Variants in KIDINS220 observed in about 807,000 individuals in gnomAD.
KIDINS220 encodes kinase D-interacting substrate of 220 kDa.
In KIDINS220, 63 loss-of-function variants were observed where a neutral mutation model predicts 157.6. The observed-to-expected ratio is 0.40, with a 90% CI of 0.33 to 0.49. KIDINS220 has a LOEUF of 0.49. Among genes scored for constraint, KIDINS220 ranks in the 20% least tolerant of loss-of-function variants. KIDINS220 has a pLI of 0.66. For synonymous variants in KIDINS220, 732 were observed against 783.6 expected, an observed-to-expected ratio of 0.93 and a Z score of 1.10; for missense variants, 1,772 against 2,171.2, an observed-to-expected ratio of 0.82 and a Z score of 3.65.
intron 22 of KIDINS220, among the ~76,000 whole-genome samples, chr2:8,764,163 G>A (rs1167422725): frequency 1.3e-5 from 2 of 152,254 alleles, no homozygotes; most frequent in South Asian, 4.1e-4. Context: ...ACAACCATAT[G>A]TTCTTACTTA....
intron 12 of KIDINS220, among the ~76,000 whole-genome samples, 194 bp from the exon 13 acceptor site, chr2:8,791,418 T>C (rs1201336863): frequency 1.3e-5 from 2 of 152,254 alleles, no homozygotes; most frequent in Admixed American, 1.3e-4. Flanking sequence ...CAGAGATTCT[T>C]AAATTACTAT....
At chr2:8,809,833 T>C (rs1676033920) in intron 6 of KIDINS220, among the ~76,000 whole-genome samples, 2 of 152,116 alleles carry the variant, frequency 1.3e-5, no homozygotes, top group Non-Finnish European at 2.9e-5. Flanking sequence ...TAAACGTTAA[T>C]TTTTTCTAAA....
chr2:8,725,857 T>G (rs1164268805), downstream of KIDINS220, among the ~76,000 whole-genome samples: 2 of 152,218 alleles, frequency 1.3e-5, no homozygotes, highest in Non-Finnish European at 2.9e-5. Flanking sequence ...TATTCCATGT[T>G]CTGTCAAATC....
In KIDINS220 at chr2:8,770,666, G is replaced by T; in HGVS notation, c.3011+4C>A. On this transcript the variant is annotated splice_donor_region_variant and intron_variant, in intron 22 of 29. Coordinates refer to ENST00000256707, the MANE Select transcript of KIDINS220 (RefSeq NM_020738.4). ...GTAAAATACAAAGAGGTCACAAAAG[G>T]TACCTTTCGTAGATGGTTTTTAATG... The T allele has an allele frequency of 1.3e-6, 2 of 1,555,384 alleles. No homozygotes were observed. The highest frequency in any genetic ancestry group is 1.7e-6 in the Non-Finnish European group (2 of 1,145,598).
At position 8,728,960 on chromosome 2, in the gene KIDINS220, T is replaced by C. The variant is rs1328344106; in HGVS notation, c.*1760A>G. The C allele has an allele frequency of 1.0e-6, 1 of 978,208 alleles. No individual in the cohort carries two copies. Among genetic ancestry groups the C allele is most frequent in the Admixed American group, 6.1e-5 (1 of 16,270 alleles). 60.6% of individuals were successfully genotyped at this position (978,208 alleles called of 1,614,324 possible). On this transcript the variant is annotated 3_prime_UTR_variant, in exon 30 of 30. Coordinates refer to ENST00000256707, the MANE Select transcript of KIDINS220 (RefSeq NM_020738.4). ...GCAATTTTTTATTGTTTTCTAAATCTATTTGTACACTTAATATGCTAGTAT... is the reference window on the plus strand; with the variant it reads ...GCAATTTTTTATTGTTTTCTAAATCCATTTGTACACTTAATATGCTAGTAT...
At chr2:8,827,279 G>A (rs1262758212) in intron 1 of KIDINS220, 150 bp from the exon 2 acceptor site, 7 of 475,026 alleles carry the variant, frequency 1.5e-5, no homozygotes, top group South Asian at 3.0e-5. Flanking sequence ...CATAGCTCAG[G>A]TGTCAAAAAG....
intron 13 of KIDINS220, 91 bp downstream of exon 13, chr2:8,790,969 T>C: frequency 8.3e-7 from 1 of 1,198,972 alleles, no homozygotes; most frequent in South Asian, 1.5e-5. Context: ...CACATGCTTA[T>C]ACAGAAAGTG....
At chr2:8,794,856 C>A (rs1673689130) in intron 11 of KIDINS220, among the ~76,000 whole-genome samples, 1 of 152,150 alleles carries the variant, frequency 6.6e-6, no homozygotes, top group Non-Finnish European at 1.5e-5. Flanking sequence ...AAGGCACGAC[C>A]TTATCTTGAA....
intron 22 of KIDINS220, among the ~76,000 whole-genome samples, chr2:8,764,726 G>A (rs1050839453): frequency 6.6e-6 from 1 of 152,156 alleles, no homozygotes; most frequent in African/African-American, 2.4e-5. Context: ...AAGATAAAGT[G>A]AGGCTTCTCA....
intron 6 of KIDINS220, among the ~76,000 whole-genome samples, chr2:8,809,342 T>C (rs995909318): frequency 2.0e-5 from 3 of 152,018 alleles, no homozygotes; most frequent in Non-Finnish European, 4.4e-5. Flanking sequence ...TTTTACTAAG[T>C]TCTTTCTTTT....
chr2:8,772,563 T>C (rs952670926), intron 21 of KIDINS220, among the ~76,000 whole-genome samples: 1 of 151,980 alleles, frequency 6.6e-6, no homozygotes, highest in African/African-American at 2.4e-5. Context: ...TAAAAATAAA[T>C]ATTCTATCCT....
intron 22 of KIDINS220, chr2:8,757,260 G>A: frequency 2.0e-6 from 2 of 988,780 alleles, no homozygotes; most frequent in Non-Finnish European, 2.4e-6. Flanking sequence ...CATACAAATG[G>A]AATGTGTACT....
chr2:8,804,640 T>C (rs1675187714), intron 7 of KIDINS220, among the ~76,000 whole-genome samples: 1 of 152,206 alleles, frequency 6.6e-6, no homozygotes, highest in Non-Finnish European at 1.5e-5. Context: ...TACTTTAAAT[T>C]TTATAAGAAA....
chr2:8,778,535 G>A (rs543271589), intron 20 of KIDINS220, 104 bp downstream of exon 20: 52 of 838,466 alleles, frequency 6.2e-5, no homozygotes, highest in East Asian at 3.6e-4. Context: ...TATTTGAAGC[G>A]TTTAATGCAA....
intron 19 of KIDINS220, 41 bp from the exon 20 acceptor site, chr2:8,778,768 T>C: frequency 1.3e-6 from 2 of 1,593,362 alleles, no homozygotes; most frequent in Non-Finnish European, 1.7e-6. Context: ...ACACCAAAAT[T>C]CTGTTGTATA....
rs373415558 is a variant in KIDINS220, at chr2:8,750,284, G to T, written c.3242C>A (p.Pro1081Gln). 3 of 1,612,618 alleles carry T rather than the reference G, an allele frequency of 1.9e-6. No individual in the cohort carries two copies. The highest frequency in any genetic ancestry group is 1.7e-6 in the Non-Finnish European group (2 of 1,179,264). Residue 1081 changes from proline to glutamine, a missense_variant, in exon 24 of 30, where the codon CCG becomes CAG. By Grantham distance (76) the Pro-to-Gln change is moderately conservative (BLOSUM62 -1). This residue lies in a region of KIDINS220 where 793 missense variants were observed against 885.5 expected (regional missense o/e 0.90). Transcript: ENST00000256707. ...AGGAGGACCCTCATGTAGAGGGAGC[G>T]GGGGGTACGCCAGTCCTCCAATACT... ...QISIGGLAYP[P>Q]LPLHEGPPRA...
chr2:8,795,548 C>G (rs1673800907), intron 11 of KIDINS220, among the ~76,000 whole-genome samples: 1 of 152,128 alleles, frequency 6.6e-6, no homozygotes, highest in South Asian at 2.1e-4. Context: ...AAGTTTGTAT[C>G]CCAAATTCTA....
At chr2:8,764,613 A>G (rs1004999464) in intron 22 of KIDINS220, among the ~76,000 whole-genome samples, 6 of 152,234 alleles carry the variant, frequency 3.9e-5, no homozygotes, top group Non-Finnish European at 7.3e-5. Context: ...CTGAGAAGCT[A>G]CTATGTGTCC....
At position 8,731,737 on chromosome 2, in the gene KIDINS220, T is replaced by A; in HGVS notation, c.4299A>T (p.Gln1433His). Residue 1433 changes from glutamine to histidine, a missense_variant, in exon 30 of 30, where the codon CAA becomes CAT. Coordinates refer to ENST00000256707, the MANE Select transcript of KIDINS220 (RefSeq NM_020738.4). This position sits in a 1 kb window ranked among gnomAD's most constrained non-coding sequence, Gnocchi z 5.2. ...SGGSIHSNLE[Q>H]EKGKDSEPKP... is the part of the protein sequence containing the mutation. The stretch of plus-strand genomic sequence containing the variant: ...TTGGTTCACTATCCTTCCCCTTTTC[T>A]TGCTCTAGGTTTGAATGAATAGAGC... 2 of 1,614,190 alleles carry A rather than the reference T, an allele frequency of 1.2e-6. No individual in the cohort carries two copies. The highest frequency in any genetic ancestry group is 1.7e-6 in the Non-Finnish European group (2 of 1,180,014).
Sources: gnomAD v4.1 joint callset for allele counts (sites outside exome capture counted in the v4.1 genomes callset) on GRCh38, gnomAD v4.1.1 for gene constraint, gnomAD v4.1.1 regional missense constraint, Gnocchi (gnomAD v3.1) non-coding constraint, MANE v1.5 for transcripts, NCBI Gene and HGNC (gene_info 2026-07-23, HGNC 2026-07-21) for gene names.